The following SLC4A7 variants were observed in gnomAD, a reference collection of about 807,000 sequenced individuals.
SLC4A7 encodes sodium bicarbonate cotransporter 3.
Under a neutral mutation model 137.6 loss-of-function variants are expected in SLC4A7, and 51 were observed. The ratio of observed to expected loss-of-function variants is 0.37; its 90% CI spans 0.30 to 0.47. The LOEUF (loss-of-function observed/expected upper bound fraction) is 0.47. SLC4A7 is among the 20% of genes least tolerant of loss of function. SLC4A7 has a pLI of 1.00. For synonymous variants in SLC4A7, 542 were observed against 518.6 expected, an observed-to-expected ratio of 1.05 and a Z score of -0.61; for missense variants, 1,247 against 1,525.4, an observed-to-expected ratio of 0.82 and a Z score of 3.04.
intron 3 of SLC4A7, among the ~76,000 whole-genome samples, chr3:27,438,672 T>C (rs1035596150): frequency 7.9e-4 from 118 of 149,696 alleles, no homozygotes; most frequent in African/African-American, 2.4e-3. Flanking sequence ...TAACATAAAA[T>C]AAAAATAACA....
intron 1 of SLC4A7, among the ~76,000 whole-genome samples, chr3:27,455,664 G>C (rs1356120606): frequency 2.7e-5 from 4 of 148,326 alleles, no homozygotes; most frequent in African/African-American, 1.0e-4. Flanking sequence ...GATCACTTGA[G>C]GTCAGGAGTT....
chr3:27,377,276 C>T (rs1215925307), intron 25 of SLC4A7, among the ~76,000 whole-genome samples: 6 of 151,962 alleles, frequency 3.9e-5, no homozygotes, highest in African/African-American at 1.5e-4. Context: ...ACTTCTCACC[C>T]CAAATTTGAT....
At chr3:27,432,521 T>C (rs995163680) in intron 6 of SLC4A7, among the ~76,000 whole-genome samples, 1 of 152,212 alleles carries the variant, frequency 6.6e-6, no homozygotes, top group African/African-American at 2.4e-5. Context: ...GTACTAAGTG[T>C]ATCTTAAAAG....
chr3:27,437,758 G>A (rs1010956194), intron 3 of SLC4A7, among the ~76,000 whole-genome samples: 5 of 148,594 alleles, frequency 3.4e-5, no homozygotes, highest in African/African-American at 1.2e-4. Flanking sequence ...AGAAAATTAT[G>A]TTGAAAATAA....
chr3:27,388,835 A>G (rs2051241611), intron 22 of SLC4A7, among the ~76,000 whole-genome samples: 1 of 113,200 alleles, frequency 8.8e-6, no homozygotes, highest in Non-Finnish European at 2.4e-5. Flanking sequence ...CATCAATAAG[A>G]TTACATAAGT....
chr3:27,394,288 G>T (rs1021834061), intron 20 of SLC4A7, among the ~76,000 whole-genome samples: 5 of 151,906 alleles, frequency 3.3e-5, no homozygotes, highest in Admixed American at 6.6e-5. Context: ...CAAATTGCTG[G>T]GATTACAGGC....
At position 27,374,498 on chromosome 3, in the gene SLC4A7, C is replaced by A. The variant is rs963263520; in HGVS notation, c.*2266G>T. The A allele has an allele frequency of 2.6e-5, 4 of 152,456 alleles. No individual in the cohort carries two copies. Among genetic ancestry groups the A allele is most frequent in the Admixed American group, 6.5e-5 (1 of 15,268 alleles). The allele number at this position is 152,456 out of a possible 1,614,324, so 9.4% of individuals were successfully genotyped here. A position where few individuals can be genotyped will look rare whatever the true frequency, so the allele number is the denominator to read the frequency against. On this transcript the variant is annotated 3_prime_UTR_variant, in exon 26 of 26. Coordinates refer to ENST00000454389, the MANE Select transcript of SLC4A7 (RefSeq NM_001321103.2). ...TCAAAAACAGTGGAAGAAATATAAT[C>A]ACTTAAAACAAGCAGTTAATTACCT...
intron 2 of SLC4A7, 74 bp downstream of exon 2, chr3:27,452,343 T>C: frequency 7.0e-6 from 7 of 1,006,472 alleles, no homozygotes; most frequent in Non-Finnish European, 8.8e-6. Flanking sequence ...TAGGTAAAAC[T>C]TAAAAGGATA....
chr3:27,458,443 G>A (rs2058523268), intron 1 of SLC4A7, among the ~76,000 whole-genome samples: 1 of 152,124 alleles, frequency 6.6e-6, no homozygotes. Context: ...TGATAGACAT[G>A]TCATACACTT....
At chr3:27,425,782 T>C (rs1441612653) in intron 7 of SLC4A7, among the ~76,000 whole-genome samples, 1 of 151,330 alleles carries the variant, frequency 6.6e-6, no homozygotes, top group Non-Finnish European at 1.5e-5. Flanking sequence ...TAATATTAAA[T>C]GCATCTCATT....
At position 27,375,562 on chromosome 3, in the gene SLC4A7, G is replaced by A. The variant is rs762384589; in HGVS notation, c.*1202C>T. On this transcript the variant is annotated 3_prime_UTR_variant, in exon 26 of 26. Coordinates refer to ENST00000454389, the MANE Select transcript of SLC4A7 (RefSeq NM_001321103.2). ...TAATTTCCTTTTAAAATATAAATATGGCAGTGCTTTATATCAAAGATGTAA... is the reference window on the plus strand; with the variant it reads ...TAATTTCCTTTTAAAATATAAATATAGCAGTGCTTTATATCAAAGATGTAA... 7 of 152,324 alleles carry A rather than the reference G, an allele frequency of 4.6e-5. No individual in the cohort carries two copies. The East Asian group carries it at 7.7e-4, about 17-fold the overall frequency. 9.4% of individuals were successfully genotyped at this position (152,324 alleles called of 1,614,324 possible). A position where few individuals can be genotyped will look rare whatever the true frequency, so the allele number is the denominator to read the frequency against.
chr3:27,449,421 T>G (rs909503306), intron 2 of SLC4A7, among the ~76,000 whole-genome samples: 25 of 150,298 alleles, frequency 1.7e-4, no homozygotes, highest in Non-Finnish European at 2.5e-4. Context: ...TTACAAATAT[T>G]TATTTACTAA....
intron 1 of SLC4A7, among the ~76,000 whole-genome samples, chr3:27,482,787 A>ATAT (rs1336021816): frequency 6.6e-6 from 1 of 152,034 alleles, no homozygotes; most frequent in Non-Finnish European, 1.5e-5. Flanking sequence ...AATAATAATA[A>ATAT]TAATTACAGA....
At chr3:27,466,244 G>A (rs1394067201) in intron 1 of SLC4A7, among the ~76,000 whole-genome samples, 1 of 151,736 alleles carries the variant, frequency 6.6e-6, no homozygotes, top group Non-Finnish European at 1.5e-5. Context: ...GAGGTCAGGA[G>A]ATCGAGACCA....
intron 14 of SLC4A7, 80 bp from the exon 15 acceptor site, chr3:27,403,464 G>A: frequency 1.1e-6 from 1 of 891,294 alleles, no homozygotes. Context: ...TGCAAGCAAT[G>A]GGAACAGCAA....
chr3:27,439,183 C>T (rs534492717), intron 3 of SLC4A7, among the ~76,000 whole-genome samples: 4 of 152,038 alleles, frequency 2.6e-5, no homozygotes, highest in Non-Finnish European at 5.9e-5. Flanking sequence ...GAATTGTTTT[C>T]GTAAAAGTCA....
At position 27,375,216 on chromosome 3, in the gene SLC4A7, T is replaced by C. The variant is rs528549451; in HGVS notation, c.*1548A>G. The C allele has an allele frequency of 3.9e-5, 6 of 152,164 alleles. No homozygotes were observed. Among genetic ancestry groups the C allele is most frequent in the South Asian group, 2.1e-4 (1 of 4,830 alleles). 9.4% of individuals were successfully genotyped at this position (152,164 alleles called of 1,614,324 possible). On this transcript the variant is annotated 3_prime_UTR_variant, in exon 26 of 26. Coordinates refer to ENST00000454389, the MANE Select transcript of SLC4A7 (RefSeq NM_001321103.2). ...TCATGATCCTTTATTAGATTAATTA[T>C]GTATACCTTTGTAATTTAATTATAT...
At chr3:27,408,568 G>C (rs960867163) in intron 13 of SLC4A7, among the ~76,000 whole-genome samples, 1 of 151,914 alleles carries the variant, frequency 6.6e-6, no homozygotes, top group Admixed American at 6.6e-5. Context: ...TTTAACCTTT[G>C]ATCTATAAAA....
intron 16 of SLC4A7, among the ~76,000 whole-genome samples, chr3:27,399,406 T>C (rs1231179858): frequency 6.6e-5 from 10 of 152,158 alleles, no homozygotes; most frequent in Non-Finnish European, 1.0e-4. Flanking sequence ...TTTTTAAATA[T>C]AAAATAGTAA....
Sources: gnomAD v4.1 joint callset for allele counts (sites outside exome capture counted in the v4.1 genomes callset) on GRCh38, gnomAD v4.1.1 for gene constraint, MANE v1.5 for transcripts, NCBI Gene and HGNC (gene_info 2026-07-23, HGNC 2026-07-21) for gene names.